PCDH7: variants seen among roughly 807,000 people sequenced by gnomAD.
The protein encoded by PCDH7 is protocadherin-7.
Under a neutral mutation model 58.9 loss-of-function variants are expected in PCDH7, and 17 were observed. That is an observed-to-expected ratio of 0.29 (90% confidence interval 0.20 to 0.43). PCDH7 has a LOEUF of 0.43. PCDH7 is among the 20% of genes least tolerant of loss of function. PCDH7 has a pLI of 1.00. For synonymous variants in PCDH7, 664 were observed against 616.4 expected (o/e 1.08, Z -1.14); for missense variants, 1,274 against 1,441.0 (o/e 0.88, Z 1.88).
chr4:31,077,841 G>A (rs1759135038), intron 3 of PCDH7, among the ~76,000 whole-genome samples: 1 of 152,126 alleles, frequency 6.6e-6, no homozygotes, highest in South Asian at 2.1e-4. Flanking sequence ...GAAGGCACGA[G>A]GTCCACTGAC....
At chr4:30,924,903 A>C (rs1011085830) in intron 2 of PCDH7, among the ~76,000 whole-genome samples, 1 of 152,066 alleles carries the variant, frequency 6.6e-6, no homozygotes, top group Non-Finnish European at 1.5e-5. Flanking sequence ...TAAAAAAAAA[A>C]CAGCAGATGA....
chr4:31,033,856 G>C (rs1044518322), intron 3 of PCDH7, among the ~76,000 whole-genome samples: 6 of 152,132 alleles, frequency 3.9e-5, no homozygotes, highest in Non-Finnish European at 7.3e-5. Flanking sequence ...CACTTTGAGA[G>C]GCTGAGGTGG....
chr4:31,065,682 G>C (rs533493666), intron 3 of PCDH7, among the ~76,000 whole-genome samples: 2 of 152,054 alleles, frequency 1.3e-5, no homozygotes, highest in Non-Finnish European at 2.9e-5. Context: ...TTGTCTCTGA[G>C]ACTGTAAGAA....
chr4:30,971,993 G>A (rs1749631972), intron 3 of PCDH7, among the ~76,000 whole-genome samples: 1 of 152,018 alleles, frequency 6.6e-6, no homozygotes. Flanking sequence ...TTAAAAAGAC[G>A]AACTGCAAAG....
At chr4:30,830,838 T>G (rs926853150) in intron 1 of PCDH7, among the ~76,000 whole-genome samples, 6 of 152,094 alleles carry the variant, frequency 3.9e-5, no homozygotes, top group African/African-American at 1.4e-4. Flanking sequence ...GTTAAACACT[T>G]TAGCTAAAAG....
intron 3 of PCDH7, among the ~76,000 whole-genome samples, chr4:31,045,963 C>A (rs1241452776): frequency 2.0e-5 from 3 of 151,890 alleles, no homozygotes; most frequent in Non-Finnish European, 4.4e-5. Context: ...AATTTGTATC[C>A]TTTTATTAAG....
Position 30,722,736 on chromosome 4 carries a change from C to G in PCDH7, c.1314C>G (p.Val438=). Residue 438 remains valine, a synonymous_variant, in exon 1 of 2, where the codon GTC becomes GTG. Coordinates refer to ENST00000361762, the Ensembl canonical transcript of PCDH7. This position sits in a 1 kb window ranked among gnomAD's most constrained non-coding sequence, Gnocchi z 7.6. Reference sequence around the variant, plus strand: ...CCAACGTGGCCGAGGACGTTCTGGTCGACACCCCCATCGCTCTGGTGCAGG... The same window carrying G: ...CCAACGTGGCCGAGGACGTTCTGGTGGACACCCCCATCGCTCTGGTGCAGG... 6.2e-7 allele frequency: 1 copy of G among 1,613,454 alleles called. No individual in the cohort carries two copies. Among genetic ancestry groups the G allele is most frequent in the Non-Finnish European group, 8.5e-7 (1 of 1,179,988 alleles).
At chr4:30,755,345 A>T (rs965397088) in intron 1 of PCDH7, among the ~76,000 whole-genome samples, 2 of 152,284 alleles carry the variant, frequency 1.3e-5, no homozygotes, top group South Asian at 2.1e-4. Flanking sequence ...TATTGAGAGA[A>T]ATTTACAGGG....
At chr4:30,975,961 G>T (rs1750030166) in intron 3 of PCDH7, among the ~76,000 whole-genome samples, 1 of 152,028 alleles carries the variant, frequency 6.6e-6, no homozygotes. Flanking sequence ...GTGAACATTT[G>T]TCTTACTTTG....
At chr4:30,887,877 T>C (rs34170853) in intron 1 of PCDH7, among the ~76,000 whole-genome samples, 11,532 of 151,720 alleles carry the variant, frequency 0.076, 641 homozygotes, top group East Asian at 0.26. Context: ...TTTGGTTTTT[T>C]TTTTTTCTTT....
At chr4:30,746,679 A>G (rs1281352075) in intron 1 of PCDH7, among the ~76,000 whole-genome samples, 1 of 152,222 alleles carries the variant, frequency 6.6e-6, no homozygotes, top group Non-Finnish European at 1.5e-5. Flanking sequence ...GGATATTTCC[A>G]CTGGTAAATA....
chr4:30,739,015 A>G (rs1716693276), intron 1 of PCDH7, among the ~76,000 whole-genome samples: 1 of 151,584 alleles, frequency 6.6e-6, no homozygotes, highest in African/African-American at 2.4e-5. Context: ...ATCCATGGAC[A>G]AATTAAAAAT....
chr4:31,105,914 G>A (rs961544893), intron 3 of PCDH7, among the ~76,000 whole-genome samples: 1 of 151,838 alleles, frequency 6.6e-6, no homozygotes, highest in Non-Finnish European at 1.5e-5. Context: ...CGCTGAGGCA[G>A]GAGAATGGCG....
intron 3 of PCDH7, among the ~76,000 whole-genome samples, chr4:31,139,884 T>C (rs551324224): frequency 6.6e-6 from 1 of 152,352 alleles, no homozygotes; most frequent in South Asian, 2.1e-4. Context: ...ATCAAGTGTT[T>C]TACTTTGGAA....
At chr4:30,891,646 C>T (rs972070074) in intron 1 of PCDH7, among the ~76,000 whole-genome samples, 3 of 151,956 alleles carry the variant, frequency 2.0e-5, no homozygotes, top group Admixed American at 6.6e-5. Flanking sequence ...TAAAGAATGG[C>T]AGCAACAACA....
chr4:31,004,968 CAA>C (rs1305639550), intron 3 of PCDH7, among the ~76,000 whole-genome samples: 1 of 152,000 alleles, frequency 6.6e-6, no homozygotes, highest in African/African-American at 2.4e-5. Flanking sequence ...ACGAAAAAAA[CAA>C]AATAAAGCCA....
chr4:31,061,649 C>A (rs1047221949), intron 3 of PCDH7, among the ~76,000 whole-genome samples: 9 of 151,516 alleles, frequency 5.9e-5, no homozygotes, highest in Non-Finnish European at 1.0e-4. Context: ...AATGTTTTAA[C>A]AAAAGAGGCT....
intron 1 of PCDH7, among the ~76,000 whole-genome samples, chr4:30,783,876 GAC>G (rs1277721574): frequency 3.3e-5 from 5 of 152,080 alleles, no homozygotes; most frequent in African/African-American, 1.2e-4. Context: ...AGCTGAGTGA[GAC>G]ACAGAGATAA....
At chr4:30,771,619 T>A (rs1721411800) in intron 1 of PCDH7, among the ~76,000 whole-genome samples, 1 of 152,200 alleles carries the variant, frequency 6.6e-6, no homozygotes, top group Non-Finnish European at 1.5e-5. Flanking sequence ...TAAATTTTGT[T>A]TTGCAAGAAG....
Sources: allele counts gnomAD v4.1 joint callset (sites outside exome capture counted in the v4.1 genomes callset), GRCh38; gene constraint gnomAD v4.1.1; non-coding constraint Gnocchi (gnomAD v3.1); transcripts MANE v1.5; gene names NCBI Gene and HGNC (gene_info 2026-07-23, HGNC 2026-07-21).